DEFB129: variants seen among roughly 807,000 people sequenced by gnomAD.
DEFB129 encodes the protein beta-defensin 129.
A neutral mutation model predicts 2.5 loss-of-function variants in DEFB129; 2 were observed. The ratio of observed to expected loss-of-function variants is 0.80; its 90% CI spans 0.33 to 2.53. The LOEUF is 2.53. DEFB129 is among the 30% of genes most tolerant of loss of function. The probability of loss-of-function intolerance (pLI) is 0.11; values close to 1 mark genes in which losing one functional copy is unlikely to be tolerated. For missense variants in DEFB129, 177 were observed against 216.9 expected, an observed-to-expected ratio of 0.82 and a Z score of 1.16; for synonymous variants, 76 against 74.4, an observed-to-expected ratio of 1.02 and a Z score of -0.11.
chr20:228,393 T>C (rs1600168458), intron 1 of DEFB129, among the ~76,000 whole-genome samples: 1 of 152,226 alleles, frequency 6.6e-6, no homozygotes, highest in South Asian at 2.1e-4. Flanking sequence ...ATGAGTATAA[T>C]GGGGTTAATC....
In DEFB129 at chr20:229,787, T is replaced by C. The variant is rs2011321761; in HGVS notation, c.*16T>C. 1 of 1,592,190 alleles carries C rather than the reference T, an allele frequency of 6.3e-7. No homozygotes were observed. The highest frequency in any genetic ancestry group is 1.3e-5 in the African/African-American group (1 of 74,326). On this transcript the variant is annotated 3_prime_UTR_variant, in exon 2 of 2. Transcript: ENST00000246105. ...AGAGCAGTAATGTGGATCTTTCCCT[T>C]AAAACTCCAAGTTCCTCTCTATTTT...
At chr20:228,327 G>A (rs528772107) in intron 1 of DEFB129, among the ~76,000 whole-genome samples, 3 of 152,352 alleles carry the variant, frequency 2.0e-5, no homozygotes, top group East Asian at 3.9e-4. Flanking sequence ...CCATAAGCAA[G>A]TATGGCTGTG....
At chr20:227,478 A>G in intron 1 of DEFB129, 132 bp downstream of exon 1, 4 of 1,056,080 alleles carry the variant, frequency 3.8e-6, no homozygotes, top group South Asian at 2.6e-5. Context: ...GAGCTTACCT[A>G]TTGTATCAGT....
Position 227,353 on chromosome 20 carries a change from T to C in DEFB129, c.58+7T>C. The C allele has an allele frequency of 6.2e-7, 1 of 1,614,128 alleles. No individual in the cohort carries two copies. Among genetic ancestry groups the C allele is most frequent in the East Asian group, 2.2e-5 (1 of 44,876 alleles). ...CAGTACCAGGTGAACACAGGTAATG[T>C]GGATTCCCAAGTTTAAGATGGGTAG... On this transcript the variant is annotated splice_region_variant and intron_variant, in intron 1 of 1. Transcript: ENST00000246105.
chr20:229,733 A>G lies in DEFB129; in HGVS notation c.514A>G (p.Thr172Ala), dbSNP rs1188027424. 1.9e-6 allele frequency: 3 copies of G among 1,612,768 alleles called. No homozygotes were observed. In the African/African-American group the frequency reaches 4.0e-5, roughly 22 times the overall value. The change falls in exon 2 of 2, where the codon ACA (threonine) becomes GCA (alanine). Residue 172 changes from threonine (T) to alanine (A), a missense_variant. Thr to Ala is a moderately conservative substitution (Grantham distance 58). Transcript: ENST00000246105. Reference sequence around the variant, plus strand: ...ACCACCTCCACCAAACATACTGCCAACACCATCACTGGAGCTAGAGGAAGC... The same window carrying G: ...ACCACCTCCACCAAACATACTGCCAGCACCATCACTGGAGCTAGAGGAAGC... ...PAPPPPNILPTPSLELEEAEE... is the reference protein window; with the variant it reads ...PAPPPPNILPAPSLELEEAEE...
At chr20:227,702 T>TAA (rs1568480099) in intron 1 of DEFB129, among the ~76,000 whole-genome samples, 7 of 150,296 alleles carry the variant, frequency 4.7e-5, no homozygotes, top group African/African-American at 1.8e-4. Flanking sequence ...CCCTTTTTTT[T>TAA]TAAAAAAAGT....
chr20:229,493 G>C lies in DEFB129; in HGVS notation c.274G>C (p.Val92Leu). The C allele has an allele frequency of 6.2e-7, 1 of 1,614,166 alleles. No individual in the cohort carries two copies. The highest frequency in any genetic ancestry group is 8.5e-7 in the Non-Finnish European group (1 of 1,180,036). ...MLKPAKNSSA[V>L]IQRKHILSVL... ...AAAACCTGCCAAGAATTCTAGTGCT[G>C]TGATACAAAGAAAACATATTTTATC... is the stretch of plus-strand genomic sequence containing the variant. Residue 92 changes from valine (V) to leucine (L), a missense_variant, in exon 2 of 2, where the codon GTG becomes CTG. Transcript: ENST00000246105.
intron 1 of DEFB129, among the ~76,000 whole-genome samples, chr20:227,815 A>G (rs1600168297): frequency 6.6e-6 from 1 of 152,082 alleles, no homozygotes; most frequent in African/African-American, 2.4e-5. Context: ...TAAGCCCAGG[A>G]TGCATTAGCT....
intron 1 of DEFB129, among the ~76,000 whole-genome samples, chr20:227,591 AC>A (rs907348436): frequency 1.3e-5 from 2 of 152,202 alleles, no homozygotes; most frequent in African/African-American, 4.8e-5. Flanking sequence ...CTATTCAGAA[AC>A]TATCCAAAAT....
rs375610686 is a variant in DEFB129 at position 227,304 on chromosome 20, C to T, written c.16C>T (p.Pro6Ser). Reference protein sequence around the residue: MKLLFPIFASLMLQYQ... With the variant: MKLLFSIFASLMLQYQ... ...GCACCCAACCATGAAGCTCCTTTTTCCTATCTTTGCCAGCCTCATGCTACA... is the reference window on the plus strand; with the variant it reads ...GCACCCAACCATGAAGCTCCTTTTTTCTATCTTTGCCAGCCTCATGCTACA... Residue 6 changes from proline (P) to serine (S), a missense_variant, in exon 1 of 2, where the codon CCT becomes TCT. Transcript: ENST00000246105. 156 of 1,613,966 alleles carry T rather than the reference C, an allele frequency of 9.7e-5. No homozygotes were observed. In the Middle Eastern group the frequency reaches 2.0e-3, roughly 20 times the overall value.
chr20:228,207 G>GA (rs1049795002), intron 1 of DEFB129, among the ~76,000 whole-genome samples: 3 of 152,180 alleles, frequency 2.0e-5, no homozygotes, highest in African/African-American at 7.2e-5. Flanking sequence ...CCAGCTATTT[G>GA]AAAAAATTAG....
In DEFB129 at chr20:227,360, C is replaced by A; in HGVS notation, c.58+14C>A. ...AGGTGAACACAGGTAATGTGGATTC[C>A]CAAGTTTAAGATGGGTAGATGAGAG... On this transcript the variant is annotated intron_variant, in intron 1 of 1. Coordinates refer to ENST00000246105, the MANE Select transcript of DEFB129 (RefSeq NM_080831.4). The A allele has an allele frequency of 6.2e-7, 1 of 1,613,944 alleles. No individual in the cohort carries two copies. The highest frequency in any genetic ancestry group is 1.1e-5 in the South Asian group (1 of 91,074).
At position 227,702 on chromosome 20, in the gene DEFB129, T is replaced by TA. The variant is rs1568480099; in HGVS notation, c.58+356_58+357insA. ...TTTCTATCTTAAAAGCCCTTTTTTT[T>TA]TAAAAAAAGTCCTGGGGTACTTGTG... On this transcript the variant is annotated intron_variant, in intron 1 of 1. Transcript: ENST00000246105. Among the ~76,000 whole-genome samples, 156 of 150,414 alleles carry TA rather than the reference T, an allele frequency of 1.0e-3. 1 individual carries two copies. Among genetic ancestry groups the TA allele is most frequent in the African/African-American group, 3.7e-3 (146 of 39,782 alleles).
Position 229,265 on chromosome 20 carries a change from T to TCTC in DEFB129, c.59-13_59-12insCTC, listed in dbSNP as rs11473300. The TCTC allele has an allele frequency of 0.1, 158,968 of 1,552,542 alleles. 10,992 individuals carry two copies. The highest frequency in any genetic ancestry group is 0.33 in the African/African-American group (23,793 of 72,304). ...TTAACCTTGGCTCAATGGCTTTCTC[T>TCTC]TTTTTTATACAGAATTTATTGGCTT... On this transcript the variant is annotated splice_polypyrimidine_tract_variant and intron_variant, in intron 1 of 1. Coordinates refer to ENST00000246105, the MANE Select transcript of DEFB129 (RefSeq NM_080831.4).
chr20:228,131 G>A (rs1394812421), intron 1 of DEFB129, among the ~76,000 whole-genome samples: 1 of 152,178 alleles, frequency 6.6e-6, no homozygotes, highest in Non-Finnish European at 1.5e-5. Flanking sequence ...TAAGCCAGGG[G>A]ATTAACCATT....
At chr20:229,036 G>A (rs1320994258) in intron 1 of DEFB129, among the ~76,000 whole-genome samples, 1 of 152,094 alleles carries the variant, frequency 6.6e-6, no homozygotes, top group Non-Finnish European at 1.5e-5. Flanking sequence ...TATCATCTAC[G>A]TGCCCTTTGC....
rs757739799 is a variant in DEFB129, at chr20:229,508, C to T, written c.289C>T (p.His97Tyr). 2.4e-5 allele frequency: 39 copies of T among 1,614,048 alleles called. No homozygotes were observed. The highest frequency in any genetic ancestry group is 3.3e-5 in the Non-Finnish European group (39 of 1,180,036). The part of the protein sequence containing the change: ...KNSSAVIQRK[H>Y]ILSVLPQIKS... The stretch of plus-strand genomic sequence containing the variant: ...TTCTAGTGCTGTGATACAAAGAAAA[C>T]ATATTTTATCTGTTCTCCCCCAAAT... Residue 97 changes from histidine (H) to tyrosine (Y), a missense_variant, in exon 2 of 2, where the codon CAT becomes TAT. Transcript: ENST00000246105.
intron 1 of DEFB129, among the ~76,000 whole-genome samples, chr20:227,637 A>G (rs1332394122): frequency 6.6e-6 from 1 of 152,100 alleles, no homozygotes; most frequent in Admixed American, 6.5e-5. Flanking sequence ...TATGTCTATC[A>G]TGCTAAGACT....
chr20:227,423 A>G, intron 1 of DEFB129, 77 bp downstream of exon 1: 1 of 1,512,242 alleles, frequency 6.6e-7, no homozygotes, highest in Non-Finnish European at 9.2e-7. Context: ...ATGGAAACCC[A>G]AAGAGAGGAG....
Sources: allele counts gnomAD v4.1 joint callset (sites outside exome capture counted in the v4.1 genomes callset), GRCh38; gene constraint gnomAD v4.1.1; transcripts MANE v1.5; gene names NCBI Gene and HGNC (gene_info 2026-07-23, HGNC 2026-07-21).